The following INPP5A variants were observed in gnomAD, a reference collection of about 807,000 sequenced individuals.
The protein encoded by INPP5A is inositol polyphosphate-5-phosphatase A, also known as 43 kDa inositol polyphosphate 5-phophatase.
Under a neutral mutation model 65.2 loss-of-function variants are expected in INPP5A, and 14 were observed. The observed-to-expected ratio is 0.21, with a 90% CI of 0.14 to 0.34. INPP5A has a LOEUF of 0.34. Ranked by LOEUF, INPP5A falls within the 10% of genes least tolerant of loss-of-function variation. INPP5A has a pLI of 1.00. For missense variants in INPP5A, 431 were observed against 545.6 expected, an observed-to-expected ratio of 0.79 and a Z score of 2.09; for synonymous variants, 207 against 208.3, an observed-to-expected ratio of 0.99 and a Z score of 0.05.
chr10:132,566,579 T>C (rs1248641193), intron 1 of INPP5A, among the ~76,000 whole-genome samples: 2 of 152,268 alleles, frequency 1.3e-5, no homozygotes, highest in African/African-American at 4.8e-5. Context: ...TGTAATTCCC[T>C]GTTTTCATAA....
At chr10:132,700,578 TGGAGGGAGGAAGGA>T (rs1845420856) in intron 6 of INPP5A, among the ~76,000 whole-genome samples, 1 of 152,132 alleles carries the variant, frequency 6.6e-6, no homozygotes. Flanking sequence ...GTGTCCTTGC[TGGAGGGAGGAAGGA>T]GGAGGGAGGG....
chr10:132,655,981 C>T (rs2072652458), intron 4 of INPP5A, among the ~76,000 whole-genome samples: 1 of 152,252 alleles, frequency 6.6e-6, no homozygotes, highest in Admixed American at 6.5e-5. Context: ...ACTGGTGGGG[C>T]CAGGAGGGCC....
chr10:132,548,425 C>T (rs2071006641), intron 1 of INPP5A, among the ~76,000 whole-genome samples: 2 of 152,206 alleles, frequency 1.3e-5, no homozygotes, highest in South Asian at 4.1e-4. Context: ...TTCTGCCTCG[C>T]ACCCGGCCTG....
chr10:132,706,852 A>AG lies in INPP5A; in HGVS notation c.475-1459dup, dbSNP rs1240036822. On this transcript the variant is annotated intron_variant, in intron 6 of 15. Transcript: ENST00000368594. The surrounding 1 kb of genome is among the most constrained non-coding windows in gnomAD (Gnocchi z 4.7). ...GACCAGGAGAAGGAGACAGGGCTGCAGGAGCCACTGTGCTGCCAGGTGCCG... is the reference window on the plus strand; with the variant it reads ...GACCAGGAGAAGGAGACAGGGCTGCAGGGAGCCACTGTGCTGCCAGGTGCCG... Among the ~76,000 whole-genome samples the AG allele has an allele frequency of 6.6e-6, 1 of 152,178 alleles. No individual in the cohort carries two copies. Among genetic ancestry groups the AG allele is most frequent in the African/African-American group, 2.4e-5 (1 of 41,450 alleles).
intron 11 of INPP5A, among the ~76,000 whole-genome samples, chr10:132,760,817 AG>A (rs1846719554): frequency 6.6e-6 from 1 of 152,044 alleles, no homozygotes; most frequent in Non-Finnish European, 1.5e-5. Context: ...TGTCTTCCTG[AG>A]GGGAGTTTGA....
chr10:132,613,189 G>T (rs1206186168), intron 2 of INPP5A, among the ~76,000 whole-genome samples: 1 of 152,212 alleles, frequency 6.6e-6, no homozygotes, highest in Non-Finnish European at 1.5e-5. Context: ...AGTGGTGCTG[G>T]AAGTGAGTTC....
intron 8 of INPP5A, among the ~76,000 whole-genome samples, chr10:132,716,379 G>C (rs1437816048): frequency 6.6e-6 from 1 of 152,216 alleles, no homozygotes; most frequent in Non-Finnish European, 1.5e-5. Context: ...TGACGTTGCT[G>C]TGACGCCTGT....
At chr10:132,763,089 AT>A (rs1465084393) in intron 11 of INPP5A, among the ~76,000 whole-genome samples, 2 of 152,226 alleles carry the variant, frequency 1.3e-5, no homozygotes, top group Non-Finnish European at 2.9e-5. Context: ...GGGAGATCTG[AT>A]CCCCTCCTGC....
intron 11 of INPP5A, among the ~76,000 whole-genome samples, chr10:132,754,409 G>A (rs748627815): frequency 5.9e-5 from 9 of 152,184 alleles, no homozygotes; most frequent in African/African-American, 1.7e-4. Context: ...ATTCCCAGCC[G>A]GACTGCCCTG....
intron 1 of INPP5A, among the ~76,000 whole-genome samples, chr10:132,583,849 A>G (rs1228742316): frequency 6.6e-6 from 1 of 152,182 alleles, no homozygotes; most frequent in African/African-American, 2.4e-5. Context: ...TTGGAGGCCA[A>G]GGGGGGCGGA....
In INPP5A at chr10:132,707,867, C is replaced by T. The variant is rs1047039625; in HGVS notation, c.475-446C>T. ...TGGGTGGTGGGGATCAGTGAGAGACCACACACACTGTTGGGGTGGGCAGGT... is the reference window on the plus strand; with the variant it reads ...TGGGTGGTGGGGATCAGTGAGAGACTACACACACTGTTGGGGTGGGCAGGT... On this transcript the variant is annotated intron_variant, in intron 6 of 15. Coordinates refer to ENST00000368594, the MANE Select transcript of INPP5A (RefSeq NM_005539.5). This position sits in a 1 kb window ranked among gnomAD's most constrained non-coding sequence, Gnocchi z 5.5. 1.3e-5 allele frequency among the ~76,000 whole-genome samples: 2 copies of T among 152,060 alleles called. No individual in the cohort carries two copies. Among genetic ancestry groups the T allele is most frequent in the Non-Finnish European group, 1.5e-5 (1 of 68,008 alleles).
At chr10:132,624,905 C>T (rs890167789) in intron 2 of INPP5A, among the ~76,000 whole-genome samples, 6 of 152,010 alleles carry the variant, frequency 3.9e-5, no homozygotes, top group African/African-American at 1.4e-4. Context: ...GCATCTGCCT[C>T]TTCTCCCATG....
chr10:132,715,611 A>T (rs1161425965), intron 8 of INPP5A, among the ~76,000 whole-genome samples: 2 of 152,150 alleles, frequency 1.3e-5, no homozygotes, highest in African/African-American at 4.8e-5. Flanking sequence ...CCCCAACCTA[A>T]ATGTTTCTCT....
At chr10:132,641,765 A>G (rs2072429793) in intron 2 of INPP5A, among the ~76,000 whole-genome samples, 1 of 152,210 alleles carries the variant, frequency 6.6e-6, no homozygotes, top group Non-Finnish European at 1.5e-5. Context: ...TTCTCATGGT[A>G]AAGATCTTAT....
In INPP5A at chr10:132,650,377, C is replaced by G. The variant is rs1330117366; in HGVS notation, c.219-41C>G. The G allele has an allele frequency of 7.1e-7, 1 of 1,410,278 alleles. No individual in the cohort carries two copies. The highest frequency in any genetic ancestry group is 1.7e-5 in the Admixed American group (1 of 59,684). 87.4% of individuals were successfully genotyped at this position (1,410,278 alleles called of 1,614,324 possible). A position where few individuals can be genotyped will look rare whatever the true frequency, so the allele number is the denominator to read the frequency against. ...GGTCATCTCATGAGGTGCAAGGCGT[C>G]TGTGTGGCTTTTCCTCAGGAACCTA... On this transcript the variant is annotated intron_variant, in intron 3 of 15. Coordinates refer to ENST00000368594, the MANE Select transcript of INPP5A (RefSeq NM_005539.5). The surrounding 1 kb of genome is among the most constrained non-coding windows in gnomAD (Gnocchi z 5.5).
At chr10:132,672,229 T>G (rs906009582) in intron 4 of INPP5A, among the ~76,000 whole-genome samples, 1 of 152,264 alleles carries the variant, frequency 6.6e-6, no homozygotes, top group African/African-American at 2.4e-5. Context: ...TAAGATTTAT[T>G]CACTTCATAT....
intron 2 of INPP5A, among the ~76,000 whole-genome samples, chr10:132,624,344 T>A (rs1314329557): frequency 3.3e-5 from 5 of 152,236 alleles, no homozygotes; most frequent in Admixed American, 1.3e-4. Context: ...GAGTTTGAAG[T>A]GTGAGCTCGC....
Position 132,575,853 on chromosome 10 carries a change from G to T in INPP5A, c.76-32062G>T, listed in dbSNP as rs942731490. Among the ~76,000 whole-genome samples the T allele has an allele frequency of 4.6e-5, 7 of 152,120 alleles. No homozygotes were observed. The highest frequency in any genetic ancestry group is 7.4e-5 in the Non-Finnish European group (5 of 68,022). On this transcript the variant is annotated intron_variant, in intron 1 of 15. Transcript: ENST00000368594. This position sits in a 1 kb window ranked among gnomAD's most constrained non-coding sequence, Gnocchi z 5.4. ...CTCTGTGGCTGTTTTCTTTCTTTAT[G>T]ATTGTTTGCTTCTCACACTCCCTGC...
rs530256995 is a variant in INPP5A, at chr10:132,697,081, G to A, written c.371-735G>A. Reference sequence around the variant, plus strand: ...GTTGACACCCAGGAGTGTCACCTCAGTGGCCCAGGAGCCATCCTGTGGCAT... The same window carrying A: ...GTTGACACCCAGGAGTGTCACCTCAATGGCCCAGGAGCCATCCTGTGGCAT... On this transcript the variant is annotated intron_variant, in intron 5 of 15. Coordinates refer to ENST00000368594, the MANE Select transcript of INPP5A (RefSeq NM_005539.5). The surrounding 1 kb of genome is among the most constrained non-coding windows in gnomAD (Gnocchi z 5.6). 2.0e-5 allele frequency among the ~76,000 whole-genome samples: 3 copies of A among 152,362 alleles called. No individual in the cohort carries two copies. The South Asian group carries it at 6.2e-4, about 32-fold the overall frequency.
Sources: gnomAD v4.1 joint callset for allele counts (sites outside exome capture counted in the v4.1 genomes callset) on GRCh38, gnomAD v4.1.1 for gene constraint, Gnocchi (gnomAD v3.1) non-coding constraint, MANE v1.5 for transcripts, NCBI Gene and HGNC (gene_info 2026-07-23, HGNC 2026-07-21) for gene names.